The following ZNF385B variants were observed in gnomAD, a reference collection of about 807,000 sequenced individuals.
The protein encoded by ZNF385B is zinc finger protein 385B.
In ZNF385B, 23 loss-of-function variants were observed where a neutral mutation model predicts 39.2. The observed-to-expected ratio is 0.59, with a 90% CI of 0.42 to 0.83. The LOEUF is 0.83. ZNF385B is among the 40% of genes least tolerant of loss of function. The pLI is 0.00. For synonymous variants in ZNF385B, 205 were observed against 222.6 expected (o/e 0.92, Z 0.70); for missense variants, 552 against 598.9 (o/e 0.92, Z 0.82).
In ZNF385B at chr2:179,816,677, G is replaced by C. The variant is rs371661315; in HGVS notation, c.-155+44424C>G. 3.9e-5 allele frequency among the ~76,000 whole-genome samples: 6 copies of C among 152,208 alleles called. No individual in the cohort carries two copies. The South Asian group carries it at 1.0e-3, about 26-fold the overall frequency. ...AAGTTCAATGTTTGTCCTAGGTACG[G>C]TTTCCTAAAGTTCTCTTATCTAACT... On this transcript the variant is annotated intron_variant, in intron 1 of 9. Coordinates refer to ENST00000410066, the MANE Select transcript of ZNF385B (RefSeq NM_152520.6).
chr2:179,494,022 A>G (rs889584475), intron 5 of ZNF385B, among the ~76,000 whole-genome samples: 2 of 151,570 alleles, frequency 1.3e-5, no homozygotes, highest in African/African-American at 2.4e-5. Flanking sequence ...TATTAGTGTT[A>G]ACAGATAAGT....
chr2:179,792,522 A>AC (rs1193517975), intron 1 of ZNF385B, among the ~76,000 whole-genome samples: 1 of 151,514 alleles, frequency 6.6e-6, no homozygotes, highest in African/African-American at 2.4e-5. Context: ...TTACAGGTGT[A>AC]CCCACCATGC....
chr2:179,501,153 A>C (rs2056722309), intron 5 of ZNF385B, among the ~76,000 whole-genome samples: 2 of 152,234 alleles, frequency 1.3e-5, no homozygotes, highest in Admixed American at 1.3e-4. Flanking sequence ...AATGTAAATT[A>C]GTACAGCCAC....
intron 1 of ZNF385B, among the ~76,000 whole-genome samples, chr2:179,825,155 T>C (rs1250251745): frequency 2.6e-5 from 4 of 152,142 alleles, no homozygotes; most frequent in African/African-American, 9.7e-5. Context: ...TCATATGGTG[T>C]TTACAGACCC....
intron 1 of ZNF385B, among the ~76,000 whole-genome samples, chr2:179,809,117 G>C (rs985506741): frequency 2.6e-5 from 4 of 152,000 alleles, no homozygotes; most frequent in African/African-American, 9.7e-5. Flanking sequence ...AAAAGCTCAA[G>C]GGCAAAGAAA....
chr2:179,504,373 G>C (rs1363756465), intron 5 of ZNF385B, among the ~76,000 whole-genome samples: 1 of 151,848 alleles, frequency 6.6e-6, no homozygotes, highest in Non-Finnish European at 1.5e-5. Context: ...ATGATTTATA[G>C]TCCTTTGGGT....
At chr2:179,602,790 C>T (rs936344136) in intron 3 of ZNF385B, among the ~76,000 whole-genome samples, 1 of 152,086 alleles carries the variant, frequency 6.6e-6, no homozygotes, top group Admixed American at 6.6e-5. Context: ...TCAAATGTTA[C>T]ATTAGAGAAC....
intron 3 of ZNF385B, among the ~76,000 whole-genome samples, chr2:179,727,072 G>A (rs1272443327): frequency 6.6e-6 from 1 of 151,962 alleles, no homozygotes; most frequent in East Asian, 1.9e-4. Flanking sequence ...GTTTCAGGGA[G>A]CACTCAGACT....
chr2:179,491,671 C>T (rs575271954), intron 5 of ZNF385B, among the ~76,000 whole-genome samples: 6 of 152,118 alleles, frequency 3.9e-5, no homozygotes. Flanking sequence ...TAATAAAACA[C>T]ATGGATAATA....
intron 3 of ZNF385B, among the ~76,000 whole-genome samples, chr2:179,610,353 G>A (rs1233526416): frequency 6.6e-6 from 1 of 152,038 alleles, no homozygotes; most frequent in Non-Finnish European, 1.5e-5. Flanking sequence ...TTGTCAAAAT[G>A]AGTTCCCTAC....
intron 3 of ZNF385B, among the ~76,000 whole-genome samples, chr2:179,724,156 A>G (rs1700861659): frequency 6.6e-6 from 1 of 152,082 alleles, no homozygotes; most frequent in Non-Finnish European, 1.5e-5. Context: ...GAAAAATACA[A>G]AAATTCACCG....
intron 4 of ZNF385B, among the ~76,000 whole-genome samples, chr2:179,540,623 A>C (rs1474514519): frequency 1.3e-5 from 2 of 152,128 alleles, no homozygotes; most frequent in Non-Finnish European, 2.9e-5. Context: ...AACATTGAAA[A>C]CCAAGGAACT....
chr2:179,599,908 A>G (rs888293853), intron 3 of ZNF385B, among the ~76,000 whole-genome samples: 5 of 152,180 alleles, frequency 3.3e-5, no homozygotes, highest in Admixed American at 6.6e-5. Flanking sequence ...CCCCCATCCT[A>G]TTGGGCTACG....
At chr2:179,839,223 C>G (rs1708420037) in intron 1 of ZNF385B, among the ~76,000 whole-genome samples, 1 of 152,170 alleles carries the variant, frequency 6.6e-6, no homozygotes, top group Non-Finnish European at 1.5e-5. Flanking sequence ...AGCCAGTGAG[C>G]CATTACATGA....
intron 3 of ZNF385B, among the ~76,000 whole-genome samples, chr2:179,749,624 G>C (rs1158379036): frequency 6.6e-6 from 1 of 152,074 alleles, no homozygotes; most frequent in Non-Finnish European, 1.5e-5. Context: ...CATCCCCCCA[G>C]TGGAAATTGA....
intron 1 of ZNF385B, among the ~76,000 whole-genome samples, chr2:179,821,839 G>C (rs1707415357): frequency 6.6e-6 from 1 of 152,062 alleles, no homozygotes; most frequent in South Asian, 2.1e-4. Flanking sequence ...AAATGGTACA[G>C]TTCATAATTC....
chr2:179,462,906 T>C (rs1478916820), intron 6 of ZNF385B, among the ~76,000 whole-genome samples: 1 of 152,130 alleles, frequency 6.6e-6, no homozygotes, highest in Non-Finnish European at 1.5e-5. Context: ...AAAAGATGTG[T>C]GTGTGTGTGT....
chr2:179,721,210 T>C (rs1348532766), intron 3 of ZNF385B, among the ~76,000 whole-genome samples: 2 of 151,826 alleles, frequency 1.3e-5, no homozygotes, highest in African/African-American at 2.4e-5. Context: ...AAGAAAAACA[T>C]AGAGATGTTT....
intron 1 of ZNF385B, among the ~76,000 whole-genome samples, chr2:179,774,400 G>A (rs184368440): frequency 4.3e-4 from 65 of 151,616 alleles, no homozygotes; most frequent in African/African-American, 1.4e-3. Context: ...TCGCTCTGTC[G>A]CCCAGGCTGG....
Sources: allele counts gnomAD v4.1 joint callset (sites outside exome capture counted in the v4.1 genomes callset), GRCh38; gene constraint gnomAD v4.1.1; transcripts MANE v1.5; gene names NCBI Gene and HGNC (gene_info 2026-07-23, HGNC 2026-07-21).